CACNA1H: variants seen among roughly 807,000 people sequenced by gnomAD.
The protein encoded by CACNA1H is calcium voltage-gated channel subunit alpha1 H, also known as voltage-dependent T-type calcium channel subunit alpha-1H.
In CACNA1H, 149 loss-of-function variants were observed where a neutral mutation model predicts 192.5. The observed-to-expected ratio is 0.77, with a 90% CI of 0.68 to 0.89. The LOEUF is 0.89. Ranked by LOEUF, CACNA1H falls within the 40% of genes least tolerant of loss-of-function variation. The pLI is 0.00. For missense variants in CACNA1H, 4,257 were observed against 3,423.5 expected (o/e 1.24, Z -6.08); for synonymous variants, 2,202 against 1,475.2 (o/e 1.49, Z -11.29).
At chr16:1,217,335 G>A (rs776512602) in intron 31 of CACNA1H, among the ~76,000 whole-genome samples, 4 of 152,208 alleles carry the variant, frequency 2.6e-5, no homozygotes, top group Non-Finnish European at 5.9e-5. Context: ...GGAAACACAC[G>A]CCATGCCCAA....
chr16:1,197,673 C>T (rs900545056), intron 5 of CACNA1H, among the ~76,000 whole-genome samples: 2 of 152,174 alleles, frequency 1.3e-5, no homozygotes, highest in Admixed American at 6.5e-5. Flanking sequence ...CTGCTCCGGT[C>T]GGCTCTTTTG....
At position 1,202,098 on chromosome 16, in the gene CACNA1H, C is replaced by T; in HGVS notation, c.1648C>T (p.Leu550=). The change falls in exon 9 of 35, where the codon CTG becomes TTG. Residue 550 remains leucine, a synonymous_variant. Coordinates refer to ENST00000348261, the MANE Select transcript of CACNA1H (RefSeq NM_021098.3). Reference sequence around the variant, plus strand: ...CGAGCCAGGCGCCTGCGACACCAGGCTGGTCCGAGCTGGCGCGCCCCCCTC... The same window carrying T: ...CGAGCCAGGCGCCTGCGACACCAGGTTGGTCCGAGCTGGCGCGCCCCCCTC... ...GPEPGACDTR[L]VRAGAPPSPP... 1 of 1,544,710 alleles carries T rather than the reference C, an allele frequency of 6.5e-7. No individual in the cohort carries two copies. The highest frequency in any genetic ancestry group is 1.2e-5 in the South Asian group (1 of 83,958).
chr16:1,181,929 C>T (rs1965512423), intron 2 of CACNA1H, among the ~76,000 whole-genome samples: 1 of 152,154 alleles, frequency 6.6e-6, no homozygotes, highest in Non-Finnish European at 1.5e-5. Context: ...ACATGCATGT[C>T]CCCTTTGCAC....
chr16:1,178,688 C>T (rs1294886036), intron 2 of CACNA1H, among the ~76,000 whole-genome samples: 2 of 152,112 alleles, frequency 1.3e-5, no homozygotes, highest in African/African-American at 2.4e-5. Flanking sequence ...CACTGTCCCT[C>T]GGGTCCCTCC....
chr16:1,220,520 C>T lies in CACNA1H; in HGVS notation c.6588C>T (p.Pro2196=), dbSNP rs777569297. Residue 2196 remains proline, a synonymous_variant, in exon 35 of 35, where the codon CCC becomes CCT. Coordinates refer to ENST00000348261, the MANE Select transcript of CACNA1H (RefSeq NM_021098.3). ...KMSPPCISVE[P]PAEDEGSARP... is the part of the protein sequence containing the mutation. Reference sequence around the variant, plus strand: ...GCCCCCCCTGCATCTCGGTGGAACCCCCTGCGGAGGACGAGGGCTCTGCGC... The same window carrying T: ...GCCCCCCCTGCATCTCGGTGGAACCTCCTGCGGAGGACGAGGGCTCTGCGC... The T allele has an allele frequency of 1.8e-5, 27 of 1,537,616 alleles. No individual in the cohort carries two copies. In the South Asian group the frequency reaches 2.2e-4, roughly 13 times the overall value.
chr16:1,174,397 G>A (rs890987555), intron 2 of CACNA1H, among the ~76,000 whole-genome samples: 3 of 152,166 alleles, frequency 2.0e-5, no homozygotes, highest in Non-Finnish European at 4.4e-5. Flanking sequence ...GCCCATTGCT[G>A]CCAGGATGGG....
In CACNA1H at chr16:1,153,432, G is replaced by A. The variant is rs1057254748; in HGVS notation, c.-57G>A. On this transcript the variant is annotated 5_prime_UTR_variant, in exon 1 of 35. Transcript: ENST00000348261. Reference sequence around the variant, plus strand: ...GGGTCCGCGGTGACCGCGCCGCCCGGGCGATGCCCGCGGGGACGCCGCCGG... The same window carrying A: ...GGGTCCGCGGTGACCGCGCCGCCCGAGCGATGCCCGCGGGGACGCCGCCGG... The A allele has an allele frequency of 2.0e-5, 3 of 152,148 alleles. No homozygotes were observed. The highest frequency in any genetic ancestry group is 4.9e-5 in the African/African-American group (2 of 40,732). 9.4% of individuals were successfully genotyped at this position (152,148 alleles called of 1,614,324 possible). A position where few individuals can be genotyped will look rare whatever the true frequency, so the allele number is the denominator to read the frequency against.
chr16:1,193,057 G>T (rs1966755944), intron 2 of CACNA1H, among the ~76,000 whole-genome samples: 1 of 152,176 alleles, frequency 6.6e-6, no homozygotes, highest in East Asian at 1.9e-4. Flanking sequence ...GGCTCAGCCA[G>T]GCTGGGGTAG....
chr16:1,194,073 C>T (rs893961638), intron 2 of CACNA1H, among the ~76,000 whole-genome samples: 24 of 152,010 alleles, frequency 1.6e-4, no homozygotes, highest in African/African-American at 5.6e-4. Context: ...GAGGGGGAGC[C>T]GTGGGCGCTG....
intron 28 of CACNA1H, 40 bp downstream of exon 28, chr16:1,215,121 CAG>C: frequency 6.3e-7 from 1 of 1,589,566 alleles, no homozygotes; most frequent in East Asian, 2.3e-5. Flanking sequence ...GGGGGCCCCT[CAG>C]GGCTCTGGGG....
chr16:1,197,482 T>C (rs3794619), intron 5 of CACNA1H, among the ~76,000 whole-genome samples: 27,285 of 152,214 alleles, frequency 0.18, 2,760 homozygotes, highest in African/African-American at 0.27. Context: ...CTCCTGGGGA[T>C]CTGCTCCTGT....
chr16:1,199,113 C>T, intron 6 of CACNA1H, among the ~76,000 whole-genome samples: 1 of 54,852 alleles, frequency 1.8e-5, no homozygotes, highest in Non-Finnish European at 4.0e-5. Flanking sequence ...GCAGTCGCTG[C>T]ACATATGCCC....
intron 2 of CACNA1H, among the ~76,000 whole-genome samples, chr16:1,165,253 C>T (rs1963639830): frequency 6.6e-6 from 1 of 152,150 alleles, no homozygotes; most frequent in Non-Finnish European, 1.5e-5. Flanking sequence ...TTCTAGAAGC[C>T]AGATGTAGCG....
intron 2 of CACNA1H, among the ~76,000 whole-genome samples, chr16:1,172,196 C>A (rs116232239): frequency 0.021 from 3,235 of 152,294 alleles, 110 homozygotes; most frequent in African/African-American, 0.074. Flanking sequence ...CTCGATCCGG[C>A]TGGCCCAGGG....
chr16:1,218,398 C>A lies in CACNA1H; in HGVS notation c.5634C>A (p.Ala1878=). Residue 1878 remains alanine, a synonymous_variant, in exon 33 of 35, where the codon GCC becomes GCA. Coordinates refer to ENST00000348261, the MANE Select transcript of CACNA1H (RefSeq NM_021098.3). ...KEAREDAELD[A]EIELEMAQGP... is the part of the protein sequence containing the mutation. ...CACGGGAGGATGCGGAGCTGGACGC[C>A]GAGATCGAGCTGGAGATGGCGCAGG... is the stretch of plus-strand genomic sequence containing the variant. The A allele has an allele frequency of 6.4e-7, 1 of 1,557,904 alleles. No individual in the cohort carries two copies. Among genetic ancestry groups the A allele is most frequent in the Non-Finnish European group, 8.7e-7 (1 of 1,151,750 alleles).
At chr16:1,172,885 A>G (rs1330004336) in intron 2 of CACNA1H, among the ~76,000 whole-genome samples, 1 of 151,780 alleles carries the variant, frequency 6.6e-6, no homozygotes, top group Non-Finnish European at 1.5e-5. Context: ...GGGCCAGGAC[A>G]GCCCCGTGGG....
intron 2 of CACNA1H, among the ~76,000 whole-genome samples, chr16:1,173,975 G>A (rs984081937): frequency 1.3e-5 from 2 of 152,248 alleles, no homozygotes; most frequent in Non-Finnish European, 1.5e-5. Flanking sequence ...CTCACGTCAC[G>A]TGGGGCTGTG....
intron 18 of CACNA1H, 39 bp from the exon 19 acceptor site, chr16:1,210,331 C>A: frequency 7.5e-7 from 1 of 1,326,422 alleles, no homozygotes; most frequent in Non-Finnish European, 1.0e-6. Context: ...GCCATCCACG[C>A]CGCCCCGCCC....
rs78640381 is a variant in CACNA1H at position 1,166,401 on chromosome 16, G to A, written c.299+12365G>A. Among the ~76,000 whole-genome samples the A allele has an allele frequency of 7.0e-4, 106 of 152,314 alleles. 2 individuals are homozygous for A. The East Asian group carries it at 0.014, about 20-fold the overall frequency. On this transcript the variant is annotated intron_variant, in intron 2 of 34. Coordinates refer to ENST00000348261, the MANE Select transcript of CACNA1H (RefSeq NM_021098.3). ...CTCTCAGCCCTGCAGAGGAGGCCGC[G>A]CAGCGTACAAGGCCCTCTGGCCAGC...
Sources: gnomAD v4.1 joint callset for allele counts (sites outside exome capture counted in the v4.1 genomes callset) on GRCh38, gnomAD v4.1.1 for gene constraint, MANE v1.5 for transcripts, NCBI Gene and HGNC (gene_info 2026-07-23, HGNC 2026-07-21) for gene names.